Variants in OLA1 observed in about 807,000 individuals in gnomAD.
The protein encoded by OLA1 is Obg like ATPase 1.
In OLA1, 14 loss-of-function variants were observed where a neutral mutation model predicts 48.4. The observed-to-expected ratio is 0.29, with a 90% CI of 0.19 to 0.45. OLA1 has a LOEUF of 0.45. OLA1 is among the 20% of genes least tolerant of loss of function. The probability of loss-of-function intolerance (pLI) is 1.00; values close to 1 mark genes in which losing one functional copy is unlikely to be tolerated. For synonymous variants in OLA1, 127 were observed against 150.4 expected (o/e 0.84, Z 1.14); for missense variants, 325 against 467.1 (o/e 0.70, Z 2.80).
At chr2:174,102,007 A>G (rs1486226422) in intron 7 of OLA1, among the ~76,000 whole-genome samples, 1 of 152,210 alleles carries the variant, frequency 6.6e-6, no homozygotes, top group Non-Finnish European at 1.5e-5. Flanking sequence ...TCTTACATTT[A>G]GTACGATAAG....
chr2:174,204,743 A>T (rs931994119), intron 4 of OLA1, among the ~76,000 whole-genome samples: 5 of 34,518 alleles, frequency 1.4e-4, no homozygotes, highest in East Asian at 0.042. Flanking sequence ...AATATTCATA[A>T]AAAAAAACTT....
At chr2:174,129,717 C>CTGTTGGTT (rs1686133174) in intron 5 of OLA1, among the ~76,000 whole-genome samples, 1 of 151,980 alleles carries the variant, frequency 6.6e-6, no homozygotes, top group Non-Finnish European at 1.5e-5. Flanking sequence ...CAACAAATAT[C>CTGTTGGTT]ACTGTTATAA....
chr2:174,160,678 T>C (rs192859393), intron 4 of OLA1, among the ~76,000 whole-genome samples: 1 of 152,302 alleles, frequency 6.6e-6, no homozygotes, highest in Admixed American at 6.5e-5. Flanking sequence ...CTTTGTGGCT[T>C]TGTTTGGCGC....
chr2:174,128,239 A>G (rs546410079), intron 5 of OLA1, among the ~76,000 whole-genome samples: 171 of 151,612 alleles, frequency 1.1e-3, no homozygotes, highest in African/African-American at 3.9e-3. Context: ...CAAAAAATAA[A>G]AAAATAAAAA....
intron 2 of OLA1, among the ~76,000 whole-genome samples, chr2:174,236,248 G>A (rs1017044039): frequency 6.6e-6 from 1 of 151,730 alleles, no homozygotes; most frequent in East Asian, 1.9e-4. Context: ...TAGCATAAAA[G>A]GACCTTAAAA....
At chr2:174,239,045 A>G (rs1288922191) in intron 2 of OLA1, among the ~76,000 whole-genome samples, 1 of 152,204 alleles carries the variant, frequency 6.6e-6, no homozygotes, top group Non-Finnish European at 1.5e-5. Context: ...AATAAATGGG[A>G]AACTCTTTTG....
chr2:174,199,195 T>C (rs1310630547), intron 4 of OLA1, among the ~76,000 whole-genome samples: 1 of 152,240 alleles, frequency 6.6e-6, no homozygotes, highest in Non-Finnish European at 1.5e-5. Context: ...CCCATTTCTA[T>C]GTGAAAAAAT....
chr2:174,103,462 T>C (rs1574482886), intron 7 of OLA1, among the ~76,000 whole-genome samples: 1 of 152,174 alleles, frequency 6.6e-6, no homozygotes, highest in Non-Finnish European at 1.5e-5. Flanking sequence ...GACTGTGTGG[T>C]CCTAGACAAA....
intron 5 of OLA1, among the ~76,000 whole-genome samples, chr2:174,130,168 G>A (rs1186414760): frequency 1.3e-5 from 2 of 152,074 alleles, no homozygotes; most frequent in African/African-American, 2.4e-5. Flanking sequence ...AATGATGTTT[G>A]GGATCTCTCT....
rs1030616512 is a variant in OLA1, at chr2:174,124,514, T to G, written c.550-839A>C. Among the ~76,000 whole-genome samples, 10 of 152,138 alleles carry G rather than the reference T, an allele frequency of 6.6e-5. No homozygotes were observed. In the East Asian group the frequency reaches 1.9e-3, roughly 29 times the overall value. The stretch of plus-strand genomic sequence containing the variant: ...ACCCTTCAAGCCTTTCCTCATCAGT[T>G]TTGTGGTTCTGAATCTAAAAGCTGC... On this transcript the variant is annotated intron_variant, in intron 5 of 10. Coordinates refer to ENST00000284719, the MANE Select transcript of OLA1 (RefSeq NM_013341.5).
chr2:174,201,342 CTT>C (rs969673397), intron 4 of OLA1, among the ~76,000 whole-genome samples: 1 of 152,170 alleles, frequency 6.6e-6, no homozygotes, highest in Admixed American at 6.5e-5. Flanking sequence ...CTTCATCTCT[CTT>C]TTTAAGAGAC....
chr2:174,174,132 A>G (rs1023722772), intron 4 of OLA1, among the ~76,000 whole-genome samples: 3 of 151,994 alleles, frequency 2.0e-5, no homozygotes, highest in African/African-American at 4.8e-5. Flanking sequence ...TGAATCCTCC[A>G]TAAACTCTTC....
intron 7 of OLA1, among the ~76,000 whole-genome samples, chr2:174,089,011 C>T (rs764157243): frequency 9.2e-5 from 14 of 152,266 alleles, no homozygotes; most frequent in African/African-American, 2.2e-4. Flanking sequence ...AACTTTGCTA[C>T]GCAAAGTGTG....
chr2:174,204,168 G>A (rs1011382472), intron 4 of OLA1, among the ~76,000 whole-genome samples: 9 of 151,752 alleles, frequency 5.9e-5, no homozygotes, highest in Non-Finnish European at 1.0e-4. Flanking sequence ...TTGGGAGGCC[G>A]AGGCGGGCGG....
chr2:174,094,498 C>T (rs1056674682), intron 7 of OLA1, among the ~76,000 whole-genome samples: 1 of 152,096 alleles, frequency 6.6e-6, no homozygotes, highest in Non-Finnish European at 1.5e-5. Flanking sequence ...AGAACAAAGT[C>T]GCAGGGCTTA....
At chr2:174,150,854 TTAAATC>T (rs1278024082) in intron 4 of OLA1, among the ~76,000 whole-genome samples, 47 of 152,282 alleles carry the variant, frequency 3.1e-4, no homozygotes, top group African/African-American at 7.2e-5. Context: ...AGCAAAGACT[TTAAATC>T]TAAGCATAAT....
chr2:174,117,669 C>T (rs1685815161), intron 7 of OLA1, among the ~76,000 whole-genome samples: 1 of 152,120 alleles, frequency 6.6e-6, no homozygotes, highest in South Asian at 2.1e-4. Context: ...AATGCTCTTC[C>T]TCCTATCCCA....
At chr2:174,088,834 C>T (rs914038852) in intron 7 of OLA1, among the ~76,000 whole-genome samples, 2 of 151,254 alleles carry the variant, frequency 1.3e-5, no homozygotes, top group African/African-American at 4.9e-5. Flanking sequence ...TATAAGAGCA[C>T]AATCATACTC....
intron 7 of OLA1, among the ~76,000 whole-genome samples, chr2:174,118,899 T>TA (rs918223414): frequency 6.6e-6 from 1 of 152,040 alleles, no homozygotes; most frequent in Non-Finnish European, 1.5e-5. Flanking sequence ...TATGTTCATA[T>TA]AAAAAAAGTG....
Sources: gnomAD v4.1 joint callset for allele counts (sites outside exome capture counted in the v4.1 genomes callset) on GRCh38, gnomAD v4.1.1 for gene constraint, MANE v1.5 for transcripts, NCBI Gene and HGNC (gene_info 2026-07-23, HGNC 2026-07-21) for gene names.